PLXNA4: variants seen among roughly 807,000 people sequenced by gnomAD.
The protein encoded by PLXNA4 is plexin A4, also known as plexin-A4.
A neutral mutation model predicts 191.8 loss-of-function variants in PLXNA4; 44 were observed. The observed-to-expected ratio is 0.23, with a 90% CI of 0.18 to 0.29. The LOEUF (loss-of-function observed/expected upper bound fraction) is 0.29, where lower values mean the gene tolerates loss of function less well. Among genes scored for constraint, PLXNA4 ranks in the 10% least tolerant of loss-of-function variants. The probability of loss-of-function intolerance (pLI) is 1.00; values close to 1 mark genes in which losing one functional copy is unlikely to be tolerated. For missense variants in PLXNA4, 1,800 were observed against 2,488.8 expected (o/e 0.72, Z 5.89); for synonymous variants, 1,082 against 1,009.5 (o/e 1.07, Z -1.36).
chr7:132,313,970 A>T (rs1342729699), intron 3 of PLXNA4, among the ~76,000 whole-genome samples: 1 of 152,160 alleles, frequency 6.6e-6, no homozygotes, highest in Non-Finnish European at 1.5e-5. Flanking sequence ...GCCCCCAGAC[A>T]CTACAGAGGG....
chr7:132,139,017 T>C (rs1294109823), intron 30 of PLXNA4, among the ~76,000 whole-genome samples: 63 of 152,192 alleles, frequency 4.1e-4, no homozygotes, highest in East Asian at 1.9e-4. Context: ...GCTGTCCACA[T>C]GGGAGGGGCT....
chr7:132,175,018 G>A (rs981218843), intron 20 of PLXNA4, 98 bp from the exon 21 acceptor site: 10 of 1,536,874 alleles, frequency 6.5e-6, no homozygotes, highest in Admixed American at 1.9e-5. Context: ...GCCCCTAGGA[G>A]ACATGAGCAA....
chr7:132,171,256 C>A (rs563199413), intron 21 of PLXNA4, among the ~76,000 whole-genome samples: 3 of 152,234 alleles, frequency 2.0e-5, no homozygotes, highest in South Asian at 2.1e-4. Context: ...TTCAATGAGG[C>A]CTTCTAATGA....
In PLXNA4 at chr7:132,364,687, G is replaced by T. The variant is rs754274263; in HGVS notation, c.1372-66465C>A. ...CCTTATCACCAAACATACCCATTCC[G>T]TGGTCTTGCTCAGGGGATGTGGAGA... On this transcript the variant is annotated intron_variant, in intron 3 of 31. Transcript: ENST00000321063. Among the ~76,000 whole-genome samples the T allele has an allele frequency of 2.0e-5, 3 of 152,132 alleles. No homozygotes were observed. The South Asian group carries it at 6.2e-4, about 31-fold the overall frequency.
At chr7:132,320,686 G>T (rs865773929) in intron 3 of PLXNA4, among the ~76,000 whole-genome samples, 19 of 152,144 alleles carry the variant, frequency 1.2e-4, no homozygotes, top group African/African-American at 4.1e-4. Context: ...CTTGGTGGAT[G>T]CCATATTGGA....
chr7:132,243,004 T>G (rs1798932424), intron 4 of PLXNA4, among the ~76,000 whole-genome samples: 1 of 152,216 alleles, frequency 6.6e-6, no homozygotes, highest in African/African-American at 2.4e-5. Context: ...TCATGAGTGG[T>G]AATGAGGTCC....
At chr7:132,265,300 C>T (rs1321171487) in intron 4 of PLXNA4, among the ~76,000 whole-genome samples, 1 of 152,192 alleles carries the variant, frequency 6.6e-6, no homozygotes, top group Non-Finnish European at 1.5e-5. Flanking sequence ...TCCATACTTT[C>T]AAAAACACTA....
At chr7:132,268,054 T>C (rs1230239206) in intron 4 of PLXNA4, among the ~76,000 whole-genome samples, 1 of 152,214 alleles carries the variant, frequency 6.6e-6, no homozygotes, top group Admixed American at 6.5e-5. Flanking sequence ...AGATAAATAC[T>C]GGGGCTTTGT....
At chr7:132,563,623 CTTCTCT>C (rs1801493135) in intron 1 of PLXNA4, among the ~76,000 whole-genome samples, 1 of 126,162 alleles carries the variant, frequency 7.9e-6, no homozygotes, top group Non-Finnish European at 1.7e-5. Flanking sequence ...CTTCCTCCTC[CTTCTCT>C]TCCTCCTTCT....
intron 2 of PLXNA4, among the ~76,000 whole-genome samples, chr7:132,640,135 G>C (rs1355977463): frequency 6.6e-6 from 1 of 152,220 alleles, no homozygotes; most frequent in Non-Finnish European, 1.5e-5. Context: ...ATGGTGCTCT[G>C]TTCTTGCAGA....
chr7:132,616,581 T>TTA (rs1235265768), intron 2 of PLXNA4, among the ~76,000 whole-genome samples: 1 of 152,214 alleles, frequency 6.6e-6, no homozygotes, highest in African/African-American at 2.4e-5. Context: ...TATTTATAAA[T>TTA]TATAATCACA....
At chr7:132,432,468 G>A (rs1272068853) in intron 3 of PLXNA4, among the ~76,000 whole-genome samples, 1 of 152,176 alleles carries the variant, frequency 6.6e-6, no homozygotes, top group African/African-American at 2.4e-5. Context: ...TCTAGTCCCA[G>A]ATATAATCAT....
At chr7:132,223,441 G>C (rs1296287892) in intron 9 of PLXNA4, 86 bp downstream of exon 9, 7 of 1,189,748 alleles carry the variant, frequency 5.9e-6, no homozygotes, top group Non-Finnish European at 7.3e-6. Flanking sequence ...GTTTTCCTTT[G>C]GTTTCTCCTC....
At chr7:132,627,517 C>A (rs1371681035) in intron 2 of PLXNA4, among the ~76,000 whole-genome samples, 1 of 152,140 alleles carries the variant, frequency 6.6e-6, no homozygotes, top group Admixed American at 6.5e-5. Flanking sequence ...TCATTTCTAT[C>A]ATTTGAATGT....
At chr7:132,259,467 AAAAAAAG>A (rs1799553241) in intron 4 of PLXNA4, among the ~76,000 whole-genome samples, 1 of 130,108 alleles carries the variant, frequency 7.7e-6, no homozygotes, top group Non-Finnish European at 1.6e-5. Flanking sequence ...AAAAAAAAAA[AAAAAAAG>A]AAAAAAGGAA....
In PLXNA4 at chr7:132,211,021, G is replaced by C. The variant is rs764003949; in HGVS notation, c.2220C>G (p.Ile740Met). 6.2e-7 allele frequency: 1 copy of C among 1,614,112 alleles called. No individual in the cohort carries two copies. Among genetic ancestry groups the C allele is most frequent in the Non-Finnish European group, 8.5e-7 (1 of 1,180,012 alleles). The change falls in exon 10 of 32, where the codon ATC (isoleucine) becomes ATG (methionine). Residue 740 changes from isoleucine to methionine, a missense_variant. Ile to Met is a conservative substitution (Grantham distance 10, BLOSUM62 1). Around this residue, in one of 6 missense-constraint regions of PLXNA4, gnomAD observed 1,397 missense variants for 1,880.4 expected, o/e 0.74. Coordinates refer to ENST00000321063, the MANE Select transcript of PLXNA4 (RefSeq NM_020911.2). Reference protein sequence around the residue: ...PQSGQRGYECILNIQGSEQRV... With the variant: ...PQSGQRGYECMLNIQGSEQRV... The stretch of plus-strand genomic sequence containing the variant: ...GCTGCTCGCTGCCCTGAATGTTGAG[G>C]ATGCATTCGTAGCCACGCTGCCCAG...
chr7:132,351,219 T>C (rs1008266073), intron 3 of PLXNA4, among the ~76,000 whole-genome samples: 2 of 152,254 alleles, frequency 1.3e-5, no homozygotes, highest in Admixed American at 1.3e-4. Flanking sequence ...GTGGTGATGG[T>C]TGTGCAACTC....
intron 3 of PLXNA4, among the ~76,000 whole-genome samples, chr7:132,327,601 A>G (rs567677127): frequency 6.6e-6 from 1 of 152,300 alleles, no homozygotes; most frequent in Admixed American, 6.5e-5. Flanking sequence ...TCGGACACCC[A>G]TGCAAAATAT....
At chr7:132,132,378 A>G (rs538576537) in intron 31 of PLXNA4, among the ~76,000 whole-genome samples, 8 of 126,652 alleles carry the variant, frequency 6.3e-5, no homozygotes, top group African/African-American at 2.4e-4. Flanking sequence ...AACACATTCT[A>G]TTTGTTCTGT....
Sources: gnomAD v4.1 joint callset for allele counts (sites outside exome capture counted in the v4.1 genomes callset) on GRCh38, gnomAD v4.1.1 for gene constraint, gnomAD v4.1.1 regional missense constraint, MANE v1.5 for transcripts, NCBI Gene and HGNC (gene_info 2026-07-23, HGNC 2026-07-21) for gene names.